The following EDIL3 variants were observed in gnomAD, a reference collection of about 807,000 sequenced individuals.
EDIL3 encodes EGF like and discoidin domains 3.
EDIL3 carries 37 observed loss-of-function variants against 67.4 expected under a neutral mutation model. The ratio of observed to expected loss-of-function variants is 0.55; its 90% CI spans 0.42 to 0.72. The LOEUF (loss-of-function observed/expected upper bound fraction) is 0.72. Ranked by LOEUF, EDIL3 falls within the 30% of genes least tolerant of loss-of-function variation. EDIL3 has a pLI of 0.00. For missense variants in EDIL3, 527 were observed against 586.3 expected (o/e 0.90, Z 1.04); for synonymous variants, 195 against 196.3 (o/e 0.99, Z 0.05).
chr5:84,052,981 C>T (rs1292383399), intron 9 of EDIL3, among the ~76,000 whole-genome samples: 2 of 152,184 alleles, frequency 1.3e-5, no homozygotes, highest in Non-Finnish European at 2.9e-5. Context: ...ACAGAACTCT[C>T]CACCCCAAAT....
chr5:84,014,067 T>C (rs748914467), intron 9 of EDIL3, among the ~76,000 whole-genome samples: 5 of 152,198 alleles, frequency 3.3e-5, no homozygotes, highest in Non-Finnish European at 7.4e-5. Context: ...TCTATAAACT[T>C]ACTCCTATGT....
At chr5:84,223,267 A>C (rs559941829) in intron 3 of EDIL3, among the ~76,000 whole-genome samples, 1 of 151,776 alleles carries the variant, frequency 6.6e-6, no homozygotes, top group Admixed American at 6.6e-5. Flanking sequence ...TCTAATAACT[A>C]TATGACCTAG....
intron 1 of EDIL3, among the ~76,000 whole-genome samples, chr5:84,294,579 T>C (rs1163802689): frequency 6.6e-6 from 1 of 151,984 alleles, no homozygotes; most frequent in African/African-American, 2.4e-5. Context: ...TACATACATG[T>C]TTATCACACT....
At chr5:84,008,983 T>A (rs1160119348) in intron 9 of EDIL3, among the ~76,000 whole-genome samples, 1 of 152,092 alleles carries the variant, frequency 6.6e-6, no homozygotes, top group Admixed American at 6.6e-5. Context: ...TGGCTAATTT[T>A]GTATTTTTAG....
intron 6 of EDIL3, among the ~76,000 whole-genome samples, chr5:84,096,033 AAC>A (rs1747256637): frequency 6.6e-6 from 1 of 152,212 alleles, no homozygotes; most frequent in African/African-American, 2.4e-5. Flanking sequence ...GGGTTTGGGA[AAC>A]ACTGCCTAGA....
At chr5:84,278,765 G>C (rs2112104606) in intron 1 of EDIL3, among the ~76,000 whole-genome samples, 1 of 152,218 alleles carries the variant, frequency 6.6e-6, no homozygotes, top group African/African-American at 2.4e-5. Context: ...AAATGTGGAT[G>C]TGCTGACTCC....
chr5:84,334,637 C>T (rs1300257886), intron 1 of EDIL3, among the ~76,000 whole-genome samples: 1 of 152,044 alleles, frequency 6.6e-6, no homozygotes, highest in Non-Finnish European at 1.5e-5. Context: ...TAAAAACAAA[C>T]CTGGTTTCTG....
chr5:83,968,474 G>A (rs1210446062), intron 9 of EDIL3, among the ~76,000 whole-genome samples: 1 of 151,884 alleles, frequency 6.6e-6, no homozygotes. Flanking sequence ...GAAATAATCT[G>A]TCAAAGGATG....
At chr5:84,380,543 C>G (rs1473598335) in intron 1 of EDIL3, among the ~76,000 whole-genome samples, 2 of 152,080 alleles carry the variant, frequency 1.3e-5, no homozygotes, top group African/African-American at 4.8e-5. Flanking sequence ...GAACCTATTA[C>G]ATCCTAATCT....
At chr5:83,963,487 T>C in intron 9 of EDIL3, 127 bp from the exon 10 acceptor site, 1 of 1,078,788 alleles carries the variant, frequency 9.3e-7, no homozygotes, top group Non-Finnish European at 1.3e-6. Context: ...TATTTGTATT[T>C]TGAAACCAAT....
At chr5:84,238,290 A>C (rs975648239) in intron 2 of EDIL3, among the ~76,000 whole-genome samples, 6 of 152,178 alleles carry the variant, frequency 3.9e-5, no homozygotes, top group African/African-American at 1.4e-4. Flanking sequence ...TTATATTCCA[A>C]AATAATTCAG....
At chr5:84,199,430 T>C (rs965412546) in intron 3 of EDIL3, among the ~76,000 whole-genome samples, 4 of 151,974 alleles carry the variant, frequency 2.6e-5, no homozygotes, top group Non-Finnish European at 5.9e-5. Context: ...CAATACTTTG[T>C]AATGAACTTC....
intron 1 of EDIL3, among the ~76,000 whole-genome samples, chr5:84,289,747 C>G (rs13167023): frequency 6.6e-6 from 1 of 152,274 alleles, no homozygotes; most frequent in Middle Eastern, 3.4e-3. Flanking sequence ...ACTAACCTCT[C>G]TGGGTATTCT....
chr5:84,277,868 T>G (rs1280569692), intron 1 of EDIL3, among the ~76,000 whole-genome samples: 1 of 152,112 alleles, frequency 6.6e-6, no homozygotes, highest in Admixed American at 6.6e-5. Flanking sequence ...CGCATGATAA[T>G]GTAATTATTG....
intron 6 of EDIL3, among the ~76,000 whole-genome samples, chr5:84,086,669 T>C (rs1044854733): frequency 8.5e-5 from 13 of 152,210 alleles, no homozygotes; most frequent in Non-Finnish European, 4.4e-5. Context: ...AGCACTATCA[T>C]ATTCTGCCTT....
intron 3 of EDIL3, among the ~76,000 whole-genome samples, chr5:84,207,279 G>C (rs187167698): frequency 6.6e-6 from 1 of 152,222 alleles, no homozygotes; most frequent in East Asian, 1.9e-4. Flanking sequence ...CAAATGATGA[G>C]TGAACTCCCA....
chr5:84,096,381 G>A (rs1294774163), intron 6 of EDIL3, among the ~76,000 whole-genome samples: 1 of 152,202 alleles, frequency 6.6e-6, no homozygotes, highest in Non-Finnish European at 1.5e-5. Flanking sequence ...CCCACCTCTT[G>A]CATCAGCTTG....
chr5:84,223,992 T>C (rs912302353), intron 3 of EDIL3, among the ~76,000 whole-genome samples: 2 of 151,344 alleles, frequency 1.3e-5, no homozygotes, highest in Non-Finnish European at 3.0e-5. Flanking sequence ...TAGCTACTTA[T>C]ATAGAAATCC....
At chr5:84,031,123 G>T (rs1745912323) in intron 9 of EDIL3, among the ~76,000 whole-genome samples, 1 of 152,020 alleles carries the variant, frequency 6.6e-6, no homozygotes, top group African/African-American at 2.4e-5. Context: ...TTAGACTTGG[G>T]CTTAACCTTA....
Sources: gnomAD v4.1 joint callset for allele counts (sites outside exome capture counted in the v4.1 genomes callset) on GRCh38, gnomAD v4.1.1 for gene constraint, MANE v1.5 for transcripts, NCBI Gene and HGNC (gene_info 2026-07-23, HGNC 2026-07-21) for gene names.